The following PKD1L1 variants were observed in gnomAD, a reference collection of about 807,000 sequenced individuals.
The protein encoded by PKD1L1 is polycystin-1-like protein 1.
Under a neutral mutation model 323.4 loss-of-function variants are expected in PKD1L1, and 236 were observed. That is an observed-to-expected ratio of 0.73 (90% CI 0.66 to 0.81). PKD1L1 has a LOEUF of 0.81. PKD1L1 is among the 40% of genes least tolerant of loss of function. PKD1L1 has a pLI of 0.00. For missense variants in PKD1L1, 3,320 were observed against 3,508.0 expected, an observed-to-expected ratio of 0.95 and a Z score of 1.35; for synonymous variants, 1,344 against 1,335.0, an observed-to-expected ratio of 1.01 and a Z score of -0.15.
chr7:47,945,212 C>A (rs995478835), intron 1 of PKD1L1, among the ~76,000 whole-genome samples: 7 of 152,212 alleles, frequency 4.6e-5, no homozygotes, highest in Admixed American at 1.3e-4. Context: ...TAAAGGTGTT[C>A]GCCTTTGTTC....
chr7:47,893,901 A>G lies in PKD1L1; in HGVS notation c.2430T>C (p.Pro810=). 2 of 1,613,792 alleles carry G rather than the reference A, an allele frequency of 1.2e-6. No homozygotes were observed. The highest frequency in any genetic ancestry group is 1.7e-6 in the Non-Finnish European group (2 of 1,179,956). The part of the protein sequence containing the change: ...IVLRGTQSFD[P]DDPGATLRYH... The stretch of plus-strand genomic sequence containing the variant: ...ACCTGAGAGTCGCCCCAGGGTCGTC[A>G]GGGTCGAAGGACTGGGTCCCTCTGA... Residue 810 remains proline (P), a synonymous_variant, in exon 15 of 57, where the codon CCT becomes CCC. Coordinates refer to ENST00000289672, the MANE Select transcript of PKD1L1 (RefSeq NM_138295.5).
In PKD1L1 at chr7:47,835,201, C is replaced by A. The variant is rs1289732739; in HGVS notation, c.5986G>T (p.Gly1996Cys). Residue 1996 changes from glycine (G) to cysteine (C), a missense_variant, in exon 38 of 57, where the codon GGT (glycine) becomes TGT (cysteine). Physicochemically the swap from Gly to Cys is radical, Grantham distance 159. Transcript: ENST00000289672. ...GAAGCCAGGAGGGTACACAGGAGAC[C>A]CACCCTGAAGGATCCAAGGGTGGGG... ...VSPTLGSFRV[G>C]LLCTLLASPG... is the part of the protein sequence containing the mutation. 1 of 1,589,728 alleles carries A rather than the reference C, an allele frequency of 6.3e-7. No individual in the cohort carries two copies. The highest frequency in any genetic ancestry group is 2.2e-5 in the East Asian group (1 of 44,744).
rs1453966592 is a variant in PKD1L1, at chr7:47,840,183, A to G, written c.5552+278T>C. ...AAACCTAATTAAGGTCAGAAGGTTT[A>G]GTGTCATAGAAAACACTGATTATGA... On this transcript the variant is annotated intron_variant, in intron 35 of 56. Coordinates refer to ENST00000289672, the MANE Select transcript of PKD1L1 (RefSeq NM_138295.5). This position sits in a 1 kb window ranked among gnomAD's most constrained non-coding sequence, Gnocchi z 4.1. Among the ~76,000 whole-genome samples the G allele has an allele frequency of 2.0e-5, 3 of 152,198 alleles. No individual in the cohort carries two copies. The highest frequency in any genetic ancestry group is 1.3e-4 in the Admixed American group (2 of 15,274).
intron 43 of PKD1L1, 60 bp from the exon 44 acceptor site, chr7:47,829,661 G>A: frequency 6.7e-7 from 1 of 1,492,368 alleles, no homozygotes; most frequent in Non-Finnish European, 9.0e-7. Context: ...ATTCCACACA[G>A]AGCTGTCCTC....
At chr7:47,887,538 T>C (rs551633533) in intron 17 of PKD1L1, among the ~76,000 whole-genome samples, 22 of 152,300 alleles carry the variant, frequency 1.4e-4, no homozygotes, top group African/African-American at 5.3e-4. Context: ...AATTAAATCT[T>C]AGAATTGCTT....
chr7:47,847,909 G>C (rs1031984899), intron 31 of PKD1L1, among the ~76,000 whole-genome samples: 6 of 152,002 alleles, frequency 3.9e-5, no homozygotes, highest in Non-Finnish European at 8.8e-5. Context: ...AACATATAAA[G>C]AGCTCTTAAA....
At chr7:47,862,063 C>T (rs1257730617) in intron 26 of PKD1L1, among the ~76,000 whole-genome samples, 3 of 150,928 alleles carry the variant, frequency 2.0e-5, no homozygotes, top group South Asian at 2.1e-4. Context: ...GGTATGGTGG[C>T]GTGCACCTGT....
chr7:47,892,386 G>A (rs1786839751), intron 15 of PKD1L1, among the ~76,000 whole-genome samples: 1 of 152,172 alleles, frequency 6.6e-6, no homozygotes, highest in South Asian at 2.1e-4. Context: ...GTGAGCTGTG[G>A]AGGCAGGAAG....
chr7:47,858,503 T>C (rs549607556), intron 27 of PKD1L1, among the ~76,000 whole-genome samples, 170 bp downstream of exon 27: 1 of 152,274 alleles, frequency 6.6e-6, no homozygotes, highest in East Asian at 1.9e-4. Flanking sequence ...CATGAAATAC[T>C]TAAAATTCAA....
chr7:47,929,489 T>TG lies in PKD1L1; in HGVS notation c.774dup (p.Ser259GlnfsTer10), dbSNP rs1374527814. 5 of 1,613,994 alleles carry TG rather than the reference T, an allele frequency of 3.1e-6. No individual in the cohort carries two copies. The highest frequency in any genetic ancestry group is 4.2e-6 in the Non-Finnish European group (5 of 1,179,948). On this transcript the variant is annotated frameshift_variant, in exon 7 of 57. Coordinates refer to ENST00000289672, the MANE Select transcript of PKD1L1 (RefSeq NM_138295.5). LOFTEE classifies it high-confidence loss of function. ...GAACCAGACTGCGATGCCGTGAAGC[T>TG]GGGGGTGCGAGGAATGCCAGGCGGA...
chr7:47,929,617 CA>C, intron 6 of PKD1L1, 91 bp from the exon 7 acceptor site: 1 of 1,203,988 alleles, frequency 8.3e-7, no homozygotes, highest in South Asian at 1.5e-5. Context: ...TGGGTCCAGC[CA>C]GCTAGAAGCC....
At chr7:47,797,519 C>A (rs965143) in intron 54 of PKD1L1, among the ~76,000 whole-genome samples, 106,994 of 151,452 alleles carry the variant, frequency 0.71, 38,054 homozygotes, top group Non-Finnish European at 0.75. Flanking sequence ...TTACCAGCAA[C>A]ACACCCATGG....
At chr7:47,818,105 G>C (rs1274170369) in intron 46 of PKD1L1, 1 of 1,367,828 alleles carries the variant, frequency 7.3e-7, no homozygotes. Context: ...GCAAATTGGA[G>C]GCCTGCCAGA....
chr7:47,817,694 C>A (rs1785049378), intron 46 of PKD1L1, among the ~76,000 whole-genome samples: 1 of 152,074 alleles, frequency 6.6e-6, no homozygotes, highest in African/African-American at 2.4e-5. Flanking sequence ...TATGGCTAAA[C>A]CCCCGTCTTT....
chr7:47,948,580 G>A (rs920156510), upstream of PKD1L1: 8 of 736,030 alleles, frequency 1.1e-5, no homozygotes, highest in Non-Finnish European at 1.8e-5. Flanking sequence ...CAAACACAGA[G>A]GGAAAAATCC....
intron 49 of PKD1L1, among the ~76,000 whole-genome samples, chr7:47,812,642 G>A (rs1241900797): frequency 6.6e-6 from 1 of 152,158 alleles, no homozygotes; most frequent in Non-Finnish European, 1.5e-5. Context: ...GGTGGCTGTG[G>A]ACAACAGTGT....
upstream of PKD1L1, among the ~76,000 whole-genome samples, chr7:47,950,966 C>T (rs1788196105): frequency 6.6e-6 from 1 of 152,212 alleles, no homozygotes. Context: ...GTTTGCCGAG[C>T]ACTGCACTGG....
Position 47,839,358 on chromosome 7 carries a change from C to T in PKD1L1, c.5769+88G>A, listed in dbSNP as rs891307420. 1.9e-6 allele frequency: 2 copies of T among 1,054,242 alleles called. No individual in the cohort carries two copies. The highest frequency in any genetic ancestry group is 1.6e-5 in the South Asian group (1 of 62,932). 65.3% of individuals were successfully genotyped at this position (1,054,242 alleles called of 1,614,324 possible). A position where few individuals can be genotyped will look rare whatever the true frequency, so the allele number is the denominator to read the frequency against. On this transcript the variant is annotated intron_variant, in intron 36 of 56. Transcript: ENST00000289672. The surrounding 1 kb of genome is among the most constrained non-coding windows in gnomAD (Gnocchi z 4.3). ...AATACACTTTAGAAGAGTTCAAAGA[C>T]ACAACTGTGGCAAGCGAAGCAGAGA... is the stretch of plus-strand genomic sequence containing the variant.
chr7:47,876,234 G>A lies in PKD1L1; in HGVS notation c.3664-17C>T, dbSNP rs1239063950. ...ATGGAAGTCCTATGATCCAGTCCAAGGGAGCAAAAATAGTATAAATGAACA... is the reference window on the plus strand; with the variant it reads ...ATGGAAGTCCTATGATCCAGTCCAAAGGAGCAAAAATAGTATAAATGAACA... On this transcript the variant is annotated splice_polypyrimidine_tract_variant and intron_variant, in intron 22 of 56. Coordinates refer to ENST00000289672, the MANE Select transcript of PKD1L1 (RefSeq NM_138295.5). 6.2e-7 allele frequency: 1 copy of A among 1,612,486 alleles called. No homozygotes were observed.
Sources: allele counts gnomAD v4.1 joint callset (sites outside exome capture counted in the v4.1 genomes callset), GRCh38; gene constraint gnomAD v4.1.1; non-coding constraint Gnocchi (gnomAD v3.1); transcripts MANE v1.5; gene names NCBI Gene and HGNC (gene_info 2026-07-23, HGNC 2026-07-21).